MYH6: variants seen among roughly 807,000 people sequenced by gnomAD.
The protein encoded by MYH6 is myosin heavy chain 6.
In MYH6, 126 loss-of-function variants were observed where a neutral mutation model predicts 223.2. The observed-to-expected ratio is 0.56, with a 90% CI of 0.49 to 0.65. The LOEUF (loss-of-function observed/expected upper bound fraction) is 0.65. Ranked by LOEUF, MYH6 falls within the 30% of genes least tolerant of loss-of-function variation. The probability of loss-of-function intolerance (pLI) is 0.00; values close to 1 mark genes in which losing one functional copy is unlikely to be tolerated. For synonymous variants in MYH6, 978 were observed against 1,010.2 expected (o/e 0.97, Z 0.61); for missense variants, 2,040 against 2,536.4 (o/e 0.80, Z 4.20).
At chr14:23,399,329 T>C (rs1423212916) in intron 14 of MYH6, among the ~76,000 whole-genome samples, 2 of 152,128 alleles carry the variant, frequency 1.3e-5, no homozygotes, top group Non-Finnish European at 2.9e-5. Context: ...GATGGCTCAC[T>C]GCCCCAGGGG....
chr14:23,396,919 T>G (rs1431904184), intron 18 of MYH6, 44 bp downstream of exon 18: 2 of 1,612,356 alleles, frequency 1.2e-6, no homozygotes, highest in Non-Finnish European at 1.7e-6. Flanking sequence ...CAGGGCAGCC[T>G]GGCTCCCCCT....
chr14:23,382,638 C>G (rs1471937450), intron 37 of MYH6, 76 bp from the exon 38 acceptor site: 1 of 1,610,466 alleles, frequency 6.2e-7, no homozygotes, highest in Middle Eastern at 1.7e-4. Flanking sequence ...ACCTGAGGTT[C>G]CAGCTCCCTG....
chr14:23,384,304 G>C (rs1466650446), intron 36 of MYH6, 138 bp downstream of exon 36: 1 of 1,365,260 alleles, frequency 7.3e-7, no homozygotes, highest in East Asian at 2.3e-5. Flanking sequence ...AAGTCAAACT[G>C]ACTGCAGAGC....
At position 23,396,360 on chromosome 14, in the gene MYH6, G is replaced by A. The variant is rs543524943; in HGVS notation, c.2353C>T (p.Arg785Cys). Residue 785 changes from arginine (R) to cysteine (C), a missense_variant, in exon 20 of 39, where the codon CGC becomes TGC. By Grantham distance (180) the Arg-to-Cys change is radical (BLOSUM62 -3). Around this residue, in one of 4 missense-constraint regions of MYH6, gnomAD observed 649 missense variants for 877.3 expected, o/e 0.74. Transcript: ENST00000405093. The stretch of plus-strand genomic sequence containing the variant: ...TGGGCCTGCATGCGCGTGATGATGC[G>A]GCTCAGCCTCTCATCCCGCATCTCC... ...LEEMRDERLS[R>C]IITRMQAQAR... 3.2e-5 allele frequency: 51 copies of A among 1,614,070 alleles called. No homozygotes were observed. The East Asian group carries it at 3.3e-4, about 11-fold the overall frequency.
intron 3 of MYH6, among the ~76,000 whole-genome samples, chr14:23,406,714 G>A (rs1281772212): frequency 6.6e-6 from 1 of 152,202 alleles, no homozygotes; most frequent in African/African-American, 2.4e-5. Context: ...AGTGCAAGAA[G>A]GGGGCATCAT....
chr14:23,404,643 G>T, intron 7 of MYH6, 68 bp downstream of exon 7: 1 of 1,460,262 alleles, frequency 6.8e-7, no homozygotes, highest in South Asian at 1.1e-5. Context: ...GGAGGGGAGG[G>T]TTAGGGGTAA....
chr14:23,399,179 T>A, intron 14 of MYH6, 142 bp from the exon 15 acceptor site: 1 of 1,013,918 alleles, frequency 9.9e-7, no homozygotes, highest in Non-Finnish European at 1.5e-6. Context: ...CCTCTTACCC[T>A]AAAACAGGAA....
rs1216896000 is a variant in MYH6, at chr14:23,382,083, T to C, written c.5797-20A>G. On this transcript the variant is annotated intron_variant, in intron 38 of 38. Transcript: ENST00000405093. ...TTTTTGCTGCAAAAAGAATAAGAGGTGTGAGGGGGCAGCTGGCAAGAGGGA... is the reference window on the plus strand; with the variant it reads ...TTTTTGCTGCAAAAAGAATAAGAGGCGTGAGGGGGCAGCTGGCAAGAGGGA... 1 of 1,609,904 alleles carries C rather than the reference T, an allele frequency of 6.2e-7. No homozygotes were observed. Among genetic ancestry groups the C allele is most frequent in the East Asian group, 2.2e-5 (1 of 44,828 alleles).
chr14:23,403,482 A>T (rs1413764269), intron 9 of MYH6, 36 bp from the exon 10 acceptor site: 6 of 1,571,846 alleles, frequency 3.8e-6, no homozygotes, highest in Non-Finnish European at 5.3e-6. Flanking sequence ...CAGGTGAGGA[A>T]GGAAAGAGAG....
intron 30 of MYH6, 99 bp from the exon 31 acceptor site, chr14:23,388,022 A>G (rs965933657): frequency 1.1e-5 from 17 of 1,605,908 alleles, no homozygotes; most frequent in East Asian, 4.5e-5. Flanking sequence ...CGCATGTCCA[A>G]GATCTGTCCC....
At chr14:23,400,128 G>T in intron 14 of MYH6, 128 bp downstream of exon 14, 1 of 1,407,790 alleles carries the variant, frequency 7.1e-7, no homozygotes, top group Admixed American at 1.9e-5. Flanking sequence ...TCACAGTGGG[G>T]AGAAGCTGGG....
chr14:23,386,811 G>T (rs1566506008), intron 32 of MYH6, among the ~76,000 whole-genome samples, 188 bp from the exon 33 acceptor site: 1 of 152,160 alleles, frequency 6.6e-6, no homozygotes, highest in Admixed American at 6.5e-5. Context: ...GACTCTCTGG[G>T]CTTCCCCTGT....
chr14:23,386,276 GA>G, intron 33 of MYH6, 38 bp downstream of exon 33: 1 of 1,614,016 alleles, frequency 6.2e-7, no homozygotes, highest in Non-Finnish European at 8.5e-7. Context: ...AGGCCACATG[GA>G]GGCCAGTCCC....
chr14:23,390,596 G>A (rs1312201078), intron 25 of MYH6, 150 bp from the exon 26 acceptor site: 1 of 1,474,772 alleles, frequency 6.8e-7, no homozygotes, highest in Admixed American at 2.0e-5. Context: ...AGTTGGCAAT[G>A]TCTGATTGTC....
Position 23,385,942 on chromosome 14 carries a change from G to A in MYH6, c.5149C>T (p.Leu1717=). The part of the protein sequence containing the change: ...ELIETSERVQ[L]LHSQNTSLIN... The stretch of plus-strand genomic sequence containing the variant: ...GACCCCCTCACCTGGGAATGCAGCA[G>A]CTGCACCCGCTCGCTGGTCTCAATC... Residue 1717 remains leucine, a synonymous_variant, in exon 34 of 39, where the codon CTG becomes TTG. Transcript: ENST00000405093. 1 of 1,614,218 alleles carries A rather than the reference G, an allele frequency of 6.2e-7. No individual in the cohort carries two copies. Among genetic ancestry groups the A allele is most frequent in the Non-Finnish European group, 8.5e-7 (1 of 1,180,040 alleles).
In MYH6 at chr14:23,386,098, C is replaced by T. The variant is rs374271404; in HGVS notation, c.4993G>A (p.Ala1665Thr). ...ATGTTCTCCTTCAGGTCGTCGTTGG[C>T]ACGGACCGCATCGTCCAGCTGGATC... is the stretch of plus-strand genomic sequence containing the variant. ...TQIQLDDAVR[A>T]NDDLKENIAI... Residue 1665 changes from alanine (A) to threonine (T), a missense_variant, in exon 34 of 39, where the codon GCC (alanine) becomes ACC (threonine). Around this residue, in one of 4 missense-constraint regions of MYH6, gnomAD observed 1,203 missense variants for 1,400.2 expected, o/e 0.86. Transcript: ENST00000405093. 8.1e-6 allele frequency: 13 copies of T among 1,614,116 alleles called. No individual in the cohort carries two copies. The African/African-American group carries it at 1.5e-4, about 18-fold the overall frequency.
rs144994261 is a variant in MYH6 at position 23,403,117 on chromosome 14, G to A, written c.898+231C>T. Among the ~76,000 whole-genome samples the A allele has an allele frequency of 5.2e-3, 798 of 152,124 alleles. 4 individuals carry two copies. Among genetic ancestry groups the A allele is most frequent in the Non-Finnish European group, 7.0e-3 (477 of 67,978 alleles). Reference sequence around the variant, plus strand: ...GCAAAGACAAGCCGAGGGAGGAGTGGAGAGAAGGGTGGAGAAGGAGTGAGG... The same window carrying A: ...GCAAAGACAAGCCGAGGGAGGAGTGAAGAGAAGGGTGGAGAAGGAGTGAGG... On this transcript the variant is annotated intron_variant, in intron 10 of 38. Coordinates refer to ENST00000405093, the MANE Select transcript of MYH6 (RefSeq NM_002471.4).
chr14:23,383,341 G>GGGGGGGGGGGCCCCCCCCCCCC, intron 36 of MYH6, 21 bp from the exon 37 acceptor site: 1 of 556,578 alleles, frequency 1.8e-6, no homozygotes, highest in Non-Finnish European at 3.3e-6. Flanking sequence ...GAGGGTGGGA[G>GGGGGGGGGGGCCCCCCCCCCCC]AAGCTGGTTT....
chr14:23,397,287 A>G, intron 16 of MYH6, 30 bp from the exon 17 acceptor site: 1 of 1,599,406 alleles, frequency 6.3e-7, no homozygotes, highest in African/African-American at 1.3e-5. Context: ...GGGAGTTAGG[A>G]GCCACAAGGA....
Sources: allele counts gnomAD v4.1 joint callset (sites outside exome capture counted in the v4.1 genomes callset), GRCh38; gene constraint gnomAD v4.1.1; regional missense constraint gnomAD v4.1.1; transcripts MANE v1.5; gene names NCBI Gene and HGNC (gene_info 2026-07-23, HGNC 2026-07-21).